The following BMPR1A variants were observed in gnomAD, a reference collection of about 807,000 sequenced individuals.
BMPR1A encodes bone morphogenetic protein receptor type 1A, also known as bone morphogenetic protein receptor type-1A.
In BMPR1A, 7 loss-of-function variants were observed where a neutral mutation model predicts 66.0. The observed-to-expected ratio is 0.11, with a 90% CI of 0.06 to 0.20. The LOEUF is 0.20. BMPR1A is among the 10% of genes least tolerant of loss of function. The pLI is 1.00. For synonymous variants in BMPR1A, 200 were observed against 229.7 expected, an observed-to-expected ratio of 0.87 and a Z score of 1.17; for missense variants, 408 against 669.1, an observed-to-expected ratio of 0.61 and a Z score of 4.31.
At chr10:86,917,027 G>A in intron 8 of BMPR1A, 107 bp from the exon 9 acceptor site, 3 of 1,201,942 alleles carry the variant, frequency 2.5e-6, no homozygotes, top group Admixed American at 3.9e-5. Flanking sequence ...TTTTTAACTG[G>A]AGTTGGTTGG....
At chr10:86,848,997 C>T (rs1842528029) in intron 2 of BMPR1A, among the ~76,000 whole-genome samples, 1 of 152,142 alleles carries the variant, frequency 6.6e-6, no homozygotes, top group African/African-American at 2.4e-5. Context: ...GCTTATCTAC[C>T]TCACCCTGTC....
chr10:86,829,028 C>T (rs749955193), intron 1 of BMPR1A, among the ~76,000 whole-genome samples: 38 of 152,048 alleles, frequency 2.5e-4, no homozygotes, highest in African/African-American at 8.9e-4. Flanking sequence ...GCACTCCCCT[C>T]GGAATTGCCA....
In BMPR1A at chr10:86,833,601, C is replaced by G. The variant is rs149826574; in HGVS notation, c.-267-5264C>G. Among the ~76,000 whole-genome samples the G allele has an allele frequency of 4.3e-3, 649 of 152,170 alleles. 8 individuals carry two copies. Among genetic ancestry groups the G allele is most frequent in the African/African-American group, 0.015 (614 of 41,510 alleles). ...CTGCCATTAGCCAAAAAGTGACTGC[C>G]GGTACATAAACAGATTTTGTGCTGG... On this transcript the variant is annotated intron_variant, in intron 1 of 12. Coordinates refer to ENST00000372037, the MANE Select transcript of BMPR1A (RefSeq NM_004329.3).
chr10:86,839,398 GCCTGGCC>G (rs1842394523), intron 2 of BMPR1A, among the ~76,000 whole-genome samples: 1 of 152,016 alleles, frequency 6.6e-6, no homozygotes, highest in African/African-American at 2.4e-5. Context: ...TTCGAGACCA[GCCTGGCC>G]AACATGGCGA....
intron 1 of BMPR1A, among the ~76,000 whole-genome samples, chr10:86,797,552 GACGAGGTTTC>G (rs1253656341): frequency 6.6e-6 from 1 of 151,954 alleles, no homozygotes; most frequent in Admixed American, 6.6e-5. Flanking sequence ...TTTTAGTAGA[GACGAGGTTTC>G]ACCACGTTGG....
Position 86,900,850 on chromosome 10 carries a change from G to C in BMPR1A, c.530+724G>C, listed in dbSNP as rs76292428. 2.6e-3 allele frequency among the ~76,000 whole-genome samples: 396 copies of C among 152,318 alleles called. 4 individuals carry two copies. The highest frequency in any genetic ancestry group is 9.2e-3 in the African/African-American group (381 of 41,578). On this transcript the variant is annotated intron_variant, in intron 7 of 12. Coordinates refer to ENST00000372037, the MANE Select transcript of BMPR1A (RefSeq NM_004329.3). Reference sequence around the variant, plus strand: ...ATGATTATTCAGAGTAGGAGATGGGGTCGAGAGGAGAGCTCCACATCTGAG... The same window carrying C: ...ATGATTATTCAGAGTAGGAGATGGGCTCGAGAGGAGAGCTCCACATCTGAG...
intron 3 of BMPR1A, chr10:86,889,779 A>G (rs1438351315): frequency 2.9e-6 from 1 of 347,692 alleles, no homozygotes; most frequent in African/African-American, 2.1e-5. Context: ...ATAAAAAACA[A>G]GATTTGACTG....
intron 7 of BMPR1A, among the ~76,000 whole-genome samples, chr10:86,905,083 G>A (rs1191246822): frequency 2.6e-5 from 4 of 152,300 alleles, no homozygotes; most frequent in South Asian, 4.1e-4. Context: ...TGTCTGTTTT[G>A]TTTGCCTCAT....
At chr10:86,869,587 T>C (rs1343743146) in intron 2 of BMPR1A, among the ~76,000 whole-genome samples, 1 of 151,676 alleles carries the variant, frequency 6.6e-6, no homozygotes, top group Non-Finnish European at 1.5e-5. Flanking sequence ...AGAAACTCCA[T>C]CTCTACTAAT....
At chr10:86,766,916 C>T (rs1027950294) in intron 1 of BMPR1A, among the ~76,000 whole-genome samples, 11 of 151,762 alleles carry the variant, frequency 7.2e-5, no homozygotes, top group Non-Finnish European at 5.9e-5. Context: ...CTCTGCCTCC[C>T]GGATTCAAGT....
intron 1 of BMPR1A, among the ~76,000 whole-genome samples, chr10:86,809,307 T>C (rs1841933811): frequency 1.5e-5 from 2 of 135,856 alleles, no homozygotes; most frequent in African/African-American, 2.5e-5. Flanking sequence ...CTTTTTTTTT[T>C]GAGACAGGGT....
rs756541429 is a variant in BMPR1A at position 86,892,189 on chromosome 10, C to T, written c.293C>T (p.Ser98Leu). 6.2e-7 allele frequency: 1 copy of T among 1,613,916 alleles called. No homozygotes were observed. The highest frequency in any genetic ancestry group is 1.1e-5 in the South Asian group (1 of 91,088). Reference protein sequence around the residue: ...EDDQGETTLASGCMKYEGSDF... With the variant: ...EDDQGETTLALGCMKYEGSDF... Reference sequence around the variant, plus strand: ...GACCAGGGAGAAACCACATTAGCTTCAGGGTGTATGAAATATGAAGGATCT... The same window carrying T: ...GACCAGGGAGAAACCACATTAGCTTTAGGGTGTATGAAATATGAAGGATCT... The change falls in exon 5 of 13, where the codon TCA becomes TTA. Residue 98 changes from serine to leucine, a missense_variant. By Grantham distance (145) the Ser-to-Leu change is moderately radical (BLOSUM62 -2). This residue lies in a region of BMPR1A where 13 missense variants were observed against 46.5 expected (regional missense o/e 0.28). Transcript: ENST00000372037.
intron 2 of BMPR1A, among the ~76,000 whole-genome samples, chr10:86,868,500 C>G (rs930912386): frequency 5.3e-5 from 8 of 152,156 alleles, no homozygotes; most frequent in African/African-American, 1.9e-4. Context: ...AGCAGCCATG[C>G]GAACAATGGC....
intron 1 of BMPR1A, among the ~76,000 whole-genome samples, chr10:86,807,016 A>G (rs1841897046): frequency 6.6e-6 from 1 of 151,718 alleles, no homozygotes; most frequent in Admixed American, 6.6e-5. Context: ...CTTCTATAGG[A>G]CCTTCTTTGC....
chr10:86,885,271 AT>A (rs1019773642), intron 3 of BMPR1A, among the ~76,000 whole-genome samples: 5 of 152,262 alleles, frequency 3.3e-5, no homozygotes, highest in African/African-American at 9.6e-5. Context: ...TGAAAATTAT[AT>A]GGAATTCAAA....
intron 1 of BMPR1A, among the ~76,000 whole-genome samples, chr10:86,805,979 C>T (rs535103720): frequency 1.7e-4 from 25 of 150,066 alleles, no homozygotes; most frequent in Non-Finnish European, 3.4e-4. Flanking sequence ...GTTGTCCTGC[C>T]TCTTTAATCT....
intron 1 of BMPR1A, among the ~76,000 whole-genome samples, chr10:86,774,905 A>G (rs1841322483): frequency 6.6e-6 from 1 of 152,236 alleles, no homozygotes; most frequent in Non-Finnish European, 1.5e-5. Flanking sequence ...AAGAAAAGAA[A>G]GAACCTTCCT....
chr10:86,817,912 A>G (rs973932806), intron 1 of BMPR1A, among the ~76,000 whole-genome samples: 4 of 152,256 alleles, frequency 2.6e-5, no homozygotes, highest in African/African-American at 9.6e-5. Flanking sequence ...TACTACAAGG[A>G]AACTACAGAT....
At chr10:86,782,575 A>T (rs1841454066) in intron 1 of BMPR1A, among the ~76,000 whole-genome samples, 1 of 151,786 alleles carries the variant, frequency 6.6e-6, no homozygotes, top group South Asian at 2.1e-4. Context: ...GTGTGATTTG[A>T]TGTGAGTTTT....
Sources: gnomAD v4.1 joint callset for allele counts (sites outside exome capture counted in the v4.1 genomes callset) on GRCh38, gnomAD v4.1.1 for gene constraint, gnomAD v4.1.1 regional missense constraint, MANE v1.5 for transcripts, NCBI Gene and HGNC (gene_info 2026-07-23, HGNC 2026-07-21) for gene names.